The following CPA6 variants were observed in gnomAD, a reference collection of about 807,000 sequenced individuals.
CPA6 encodes carboxypeptidase A6, also known as carboxypeptidase B.
Under a neutral mutation model 63.3 loss-of-function variants are expected in CPA6, and 58 were observed. The observed-to-expected ratio is 0.92, with a 90% CI of 0.74 to 1.14. The LOEUF is 1.14. Among genes scored for constraint, CPA6 ranks in the 50% most tolerant of loss-of-function variants. CPA6 has a pLI of 0.00. For synonymous variants in CPA6, 185 were observed against 179.0 expected (o/e 1.03, Z -0.27); for missense variants, 565 against 526.6 (o/e 1.07, Z -0.71).
intron 1 of CPA6, among the ~76,000 whole-genome samples, chr8:67,635,044 G>T (rs1332548870): frequency 1.3e-5 from 2 of 151,190 alleles, no homozygotes; most frequent in Non-Finnish European, 2.9e-5. Flanking sequence ...GAACCACTAT[G>T]CCCTGCTATT....
At chr8:67,518,509 CTTTTT>C (rs71554610) in intron 2 of CPA6, among the ~76,000 whole-genome samples, 3 of 129,882 alleles carry the variant, frequency 2.3e-5, no homozygotes, top group Non-Finnish European at 4.8e-5. Context: ...CTTTTCTTTT[CTTTTT>C]TTTTTTTTTT....
At chr8:67,622,631 T>C (rs1215816352) in intron 2 of CPA6, among the ~76,000 whole-genome samples, 2 of 152,094 alleles carry the variant, frequency 1.3e-5, no homozygotes, top group Non-Finnish European at 1.5e-5. Flanking sequence ...AAATTCAATA[T>C]TTGAAGGGGA....
intron 1 of CPA6, among the ~76,000 whole-genome samples, chr8:67,684,058 T>C: frequency 7.0e-6 from 1 of 143,812 alleles, no homozygotes; most frequent in East Asian, 2.0e-4. Context: ...TTTATTTATT[T>C]TTTTTTTTTG....
At chr8:67,713,673 C>T (rs1817320020) in intron 1 of CPA6, among the ~76,000 whole-genome samples, 1 of 152,198 alleles carries the variant, frequency 6.6e-6, no homozygotes, top group African/African-American at 2.4e-5. Context: ...TTCTGAGTCA[C>T]TCAGATTATA....
At chr8:67,705,312 A>C (rs779457003) in intron 1 of CPA6, among the ~76,000 whole-genome samples, 1 of 152,158 alleles carries the variant, frequency 6.6e-6, no homozygotes, top group South Asian at 2.1e-4. Context: ...CCAGTTTCCA[A>C]ATCAGACCTC....
chr8:67,505,104 A>G (rs1811901215), intron 6 of CPA6, among the ~76,000 whole-genome samples: 1 of 152,156 alleles, frequency 6.6e-6, no homozygotes, highest in Non-Finnish European at 1.5e-5. Flanking sequence ...GCTGCTGTAT[A>G]TGGCTCTACA....
chr8:67,495,380 T>G (rs1012622445), intron 6 of CPA6, among the ~76,000 whole-genome samples: 8 of 152,244 alleles, frequency 5.3e-5, no homozygotes, highest in Admixed American at 4.6e-4. Context: ...TAATGTTTTG[T>G]GCACTGTAGG....
chr8:67,740,721 T>C (rs377571260), intron 1 of CPA6, among the ~76,000 whole-genome samples: 1 of 152,046 alleles, frequency 6.6e-6, no homozygotes, highest in African/African-American at 2.4e-5. Context: ...AGGTGCATGC[T>C]ACCACGCCTG....
chr8:67,578,499 G>A (rs146412571), intron 2 of CPA6, among the ~76,000 whole-genome samples: 1 of 152,252 alleles, frequency 6.6e-6, no homozygotes, highest in African/African-American at 2.4e-5. Context: ...GCAGCACCAT[G>A]GGCACAACCC....
rs761198568 is a variant in CPA6 at position 67,518,094 on chromosome 8, GA to G, written c.193-48del. On this transcript the variant is annotated intron_variant, in intron 2 of 10. Transcript: ENST00000297770. The stretch of plus-strand genomic sequence containing the variant: ...ATAATTCATATCCAACGTAGGGGGG[GA>G]AAATCTGTGTCACAATGTCAAACAC... 5.7e-5 allele frequency: 84 copies of G among 1,480,838 alleles called. No homozygotes were observed. In the Admixed American group the frequency reaches 1.4e-3, roughly 24 times the overall value. 91.7% of individuals were successfully genotyped at this position (1,480,838 alleles called of 1,614,324 possible). A position where few individuals can be genotyped will look rare whatever the true frequency, so the allele number is the denominator to read the frequency against.
intron 1 of CPA6, among the ~76,000 whole-genome samples, chr8:67,688,580 C>G (rs1412693236): frequency 6.6e-6 from 1 of 152,128 alleles, no homozygotes; most frequent in Non-Finnish European, 1.5e-5. Flanking sequence ...CAGGCTATAT[C>G]ATTAATGCTG....
chr8:67,492,424 A>T (rs1001442885), intron 6 of CPA6, among the ~76,000 whole-genome samples: 4 of 152,242 alleles, frequency 2.6e-5, no homozygotes, highest in African/African-American at 4.8e-5. Flanking sequence ...TTCATATTGT[A>T]AGCTATACAG....
Position 67,484,184 on chromosome 8 carries a change from C to T in CPA6, c.748-326G>A, listed in dbSNP as rs543550950. The stretch of plus-strand genomic sequence containing the variant: ...TCCCGGGTTCACACCATTCTCCTGC[C>T]TCAACCTCCCGAGTAGCTGGGACTA... On this transcript the variant is annotated intron_variant, in intron 7 of 10. Transcript: ENST00000297770. 7.9e-5 allele frequency among the ~76,000 whole-genome samples: 12 copies of T among 152,284 alleles called. No individual in the cohort carries two copies. In the South Asian group the frequency reaches 2.5e-3, roughly 32 times the overall value.
chr8:67,522,179 G>A (rs549847012), intron 2 of CPA6, among the ~76,000 whole-genome samples: 3 of 151,972 alleles, frequency 2.0e-5, no homozygotes, highest in African/African-American at 7.2e-5. Context: ...CTTTTTTCAG[G>A]CCCGCCCATG....
At chr8:67,652,760 A>G (rs1220612029) in intron 1 of CPA6, among the ~76,000 whole-genome samples, 1 of 151,666 alleles carries the variant, frequency 6.6e-6, no homozygotes, top group Admixed American at 6.6e-5. Context: ...CCCATTTGTC[A>G]ATTTTGGCTT....
chr8:67,513,878 C>G (rs2128966078), intron 3 of CPA6, among the ~76,000 whole-genome samples: 1 of 152,186 alleles, frequency 6.6e-6, no homozygotes, highest in South Asian at 2.1e-4. Flanking sequence ...TAGAACTATT[C>G]TAAACTTTCT....
At chr8:67,470,191 A>T (rs1190695459) in intron 8 of CPA6, among the ~76,000 whole-genome samples, 1 of 151,944 alleles carries the variant, frequency 6.6e-6, no homozygotes, top group Non-Finnish European at 1.5e-5. Flanking sequence ...CACCATGCCC[A>T]GCTAATTTTT....
chr8:67,739,401 A>G (rs1387109491), intron 1 of CPA6, among the ~76,000 whole-genome samples: 2 of 152,248 alleles, frequency 1.3e-5, no homozygotes, highest in Non-Finnish European at 2.9e-5. Flanking sequence ...GGCAAGAGCT[A>G]GAAGGAAGTT....
intron 2 of CPA6, among the ~76,000 whole-genome samples, chr8:67,592,795 C>T (rs965653740): frequency 5.3e-5 from 8 of 152,096 alleles, no homozygotes; most frequent in East Asian, 1.9e-4. Context: ...ATTAGTCTTG[C>T]TAGTGGTCTA....
Sources: allele counts gnomAD v4.1 joint callset (sites outside exome capture counted in the v4.1 genomes callset), GRCh38; gene constraint gnomAD v4.1.1; transcripts MANE v1.5; gene names NCBI Gene and HGNC (gene_info 2026-07-23, HGNC 2026-07-21).